The following ESR1 variants were observed in gnomAD, a reference collection of about 807,000 sequenced individuals.
The protein encoded by ESR1 is estrogen receptor 1.
A neutral mutation model predicts 52.7 loss-of-function variants in ESR1; 12 were observed. The ratio of observed to expected loss-of-function variants is 0.23; its 90% confidence interval spans 0.15 to 0.37. The LOEUF (loss-of-function observed/expected upper bound fraction) is 0.37. ESR1 is among the 10% of genes least tolerant of loss of function. The pLI is 1.00. For synonymous variants in ESR1, 305 were observed against 316.8 expected (o/e 0.96, Z 0.39); for missense variants, 584 against 779.7 (o/e 0.75, Z 2.99).
chr6:151,740,974 G>A (rs1204618639), intron 2 of ESR1, among the ~76,000 whole-genome samples: 1 of 152,124 alleles, frequency 6.6e-6, no homozygotes, highest in East Asian at 1.9e-4. Context: ...TCCCACTGTG[G>A]CTGCCATCAG....
chr6:151,985,507 C>CAAAAAAAAAAAAAACAAAAAAACAA (rs2040376685), intron 4 of ESR1, among the ~76,000 whole-genome samples: 1 of 51,340 alleles, frequency 1.9e-5, no homozygotes, highest in African/African-American at 1.2e-4. Flanking sequence ...GACTCTGTCT[C>CAAAAAAAAAAAAAACAAAAAAACAA]AAAAAAAAAA....
At chr6:152,031,665 A>G (rs1184099302) in intron 5 of ESR1, among the ~76,000 whole-genome samples, 6 of 152,188 alleles carry the variant, frequency 3.9e-5, no homozygotes, top group Non-Finnish European at 2.9e-5. Flanking sequence ...CCAATCAAAA[A>G]AAAGTCCAGG....
chr6:151,870,530 C>T (rs760141696), intron 2 of ESR1, among the ~76,000 whole-genome samples: 6 of 152,322 alleles, frequency 3.9e-5, no homozygotes, highest in South Asian at 2.1e-4. Flanking sequence ...CTTGTGAATG[C>T]GACAGACCTG....
chr6:151,956,992 T>G (rs2037062784), intron 4 of ESR1, among the ~76,000 whole-genome samples: 1 of 151,046 alleles, frequency 6.6e-6, no homozygotes, highest in South Asian at 2.1e-4. Context: ...TTCTTCTGCC[T>G]CAGCCTCCCG....
intron 1 of ESR1, among the ~76,000 whole-genome samples, chr6:151,694,100 C>T (rs1242952867): frequency 6.6e-6 from 1 of 152,110 alleles, no homozygotes; most frequent in Non-Finnish European, 1.5e-5. Flanking sequence ...TCACAGCAAC[C>T]CCAGGTGGTG....
intron 4 of ESR1, among the ~76,000 whole-genome samples, chr6:152,003,310 C>G (rs1235930385): frequency 6.6e-6 from 1 of 150,568 alleles, no homozygotes; most frequent in Non-Finnish European, 1.5e-5. Context: ...AAACAACTTA[C>G]TTGTTAAATG....
intron 3 of ESR1, among the ~76,000 whole-genome samples, chr6:151,928,041 C>T (rs2033031682): frequency 6.6e-6 from 1 of 152,014 alleles, no homozygotes; most frequent in African/African-American, 2.4e-5. Context: ...CTTAATTAGC[C>T]TGAATAGAAG....
intron 6 of ESR1, among the ~76,000 whole-genome samples, chr6:152,111,621 C>T (rs1432553061): frequency 2.0e-5 from 3 of 152,182 alleles, no homozygotes; most frequent in South Asian, 4.1e-4. Context: ...TGAAAAGATT[C>T]CTGAGTATTT....
Position 151,789,940 on chromosome 6 carries a change from C to T in ESR1, c.-70-17903C>T, listed in dbSNP as rs551864448. Among the ~76,000 whole-genome samples, 5 of 152,248 alleles carry T rather than the reference C, an allele frequency of 3.3e-5. No individual in the cohort carries two copies. In the East Asian group the frequency reaches 7.7e-4, roughly 24 times the overall value. ...AGGAGGTGGGGAGAGAGCTAAGGAACGTTGGCGTGAGTTGTTGTTGTGTTT... is the reference window on the plus strand; with the variant it reads ...AGGAGGTGGGGAGAGAGCTAAGGAATGTTGGCGTGAGTTGTTGTTGTGTTT... On this transcript the variant is annotated intron_variant, in intron 2 of 2. Transcript: ENST00000404742.
At chr6:151,687,704 G>T (rs1778743563), upstream of ESR1, among the ~76,000 whole-genome samples, 1 of 152,136 alleles carries the variant, frequency 6.6e-6, no homozygotes, top group Non-Finnish European at 1.5e-5. Flanking sequence ...TTCTGGAATG[G>T]GAGAATGTAT....
Position 152,011,520 on chromosome 6 carries a change from A to C in ESR1, c.1097-136A>C, listed in dbSNP as rs1281332361. 3 of 982,324 alleles carry C rather than the reference A, an allele frequency of 3.1e-6. No homozygotes were observed. In the African/African-American group the frequency reaches 4.8e-5, roughly 16 times the overall value. The allele number at this position is 982,324 out of a possible 1,614,324, so 60.9% of individuals were successfully genotyped here. On this transcript the variant is annotated intron_variant, in intron 4 of 7. Transcript: ENST00000206249. Reference sequence around the variant, plus strand: ...TTAAAAATAATTACTTGACTTCACTATAAAGTATGTTCGTATTGCATTTAC... The same window carrying C: ...TTAAAAATAATTACTTGACTTCACTCTAAAGTATGTTCGTATTGCATTTAC...
intron 1 of ESR1, among the ~76,000 whole-genome samples, chr6:151,667,869 A>T (rs1315825326): frequency 6.6e-6 from 1 of 152,240 alleles, no homozygotes; most frequent in African/African-American, 2.4e-5. Flanking sequence ...TCCAGGAAAG[A>T]GAGAAATTAT....
chr6:151,775,635 A>T (rs890302308), intron 2 of ESR1, among the ~76,000 whole-genome samples: 1 of 151,642 alleles, frequency 6.6e-6, no homozygotes, highest in African/African-American at 2.4e-5. Flanking sequence ...AGTCCCAGCT[A>T]CTCGGGAGGC....
chr6:151,976,911 A>C (rs1386590892), intron 4 of ESR1, among the ~76,000 whole-genome samples: 1 of 152,098 alleles, frequency 6.6e-6, no homozygotes, highest in Non-Finnish European at 1.5e-5. Flanking sequence ...TAAAAAAATA[A>C]ATCTACCACT....
chr6:151,939,849 ACAAAATCTGTTTAACTGAAG>A (rs1430120966), intron 3 of ESR1, among the ~76,000 whole-genome samples: 10 of 152,256 alleles, frequency 6.6e-5, no homozygotes, highest in East Asian at 3.9e-4. Context: ...TTTAACTGAA[ACAAAATCTGTTTAACTGAAG>A]CAAAAAAACA....
intron 6 of ESR1, among the ~76,000 whole-genome samples, chr6:152,119,565 G>C (rs1053062720): frequency 6.6e-6 from 1 of 152,066 alleles, no homozygotes; most frequent in Non-Finnish European, 1.5e-5. Flanking sequence ...CATCCTTCCT[G>C]GTCAGTGGAT....
intron 3 of ESR1, among the ~76,000 whole-genome samples, chr6:151,906,238 A>G (rs1321672890): frequency 6.6e-6 from 1 of 152,124 alleles, no homozygotes; most frequent in Non-Finnish European, 1.5e-5. Context: ...TCTCCACCCC[A>G]CCTTGTAAAT....
intron 4 of ESR1, among the ~76,000 whole-genome samples, chr6:151,950,991 G>C (rs2036263223): frequency 6.6e-6 from 1 of 151,826 alleles, no homozygotes; most frequent in African/African-American, 2.4e-5. Context: ...ATTTACTCTT[G>C]TATATTTCTC....
At chr6:151,755,816 C>G (rs1232387488) in intron 2 of ESR1, among the ~76,000 whole-genome samples, 5 of 151,652 alleles carry the variant, frequency 3.3e-5, no homozygotes, top group Non-Finnish European at 5.9e-5. Context: ...TTTTTAGTAG[C>G]GAAGGGGTTT....
Sources: gnomAD v4.1 joint callset for allele counts (sites outside exome capture counted in the v4.1 genomes callset) on GRCh38, gnomAD v4.1.1 for gene constraint, MANE v1.5 for transcripts, NCBI Gene and HGNC (gene_info 2026-07-23, HGNC 2026-07-21) for gene names.